Variants in TNIK observed in about 807,000 individuals in gnomAD.
The protein encoded by TNIK is TRAF2 and NCK-interacting protein kinase.
Under a neutral mutation model 191.3 loss-of-function variants are expected in TNIK, and 49 were observed. The ratio of observed to expected loss-of-function variants is 0.26; its 90% confidence interval spans 0.20 to 0.32. The LOEUF (loss-of-function observed/expected upper bound fraction) is 0.32, where lower values mean the gene tolerates loss of function less well. Among genes scored for constraint, TNIK ranks in the 10% least tolerant of loss-of-function variants. The pLI, the probability that TNIK is intolerant of heterozygous loss-of-function variation, is 1.00. For missense variants in TNIK, 1,155 were observed against 1,702.3 expected (o/e 0.68, Z 5.66); for synonymous variants, 594 against 600.9 (o/e 0.99, Z 0.17).
chr3:171,430,692 A>C (rs1725269643), intron 1 of TNIK, among the ~76,000 whole-genome samples: 1 of 151,918 alleles, frequency 6.6e-6, no homozygotes, highest in Admixed American at 6.6e-5. Flanking sequence ...TTTAATCAAG[A>C]GCTTGTTTAA....
intron 2 of TNIK, among the ~76,000 whole-genome samples, chr3:171,336,710 A>G (rs768072341): frequency 6.6e-6 from 1 of 152,186 alleles, no homozygotes; most frequent in East Asian, 1.9e-4. Flanking sequence ...GGTGCACTAG[A>G]AAGTTTTGTG....
At chr3:171,294,759 C>A (rs1294287016) in intron 2 of TNIK, among the ~76,000 whole-genome samples, 1 of 151,990 alleles carries the variant, frequency 6.6e-6, no homozygotes, top group African/African-American at 2.4e-5. Flanking sequence ...CAGTATAAGT[C>A]ATATACAGAT....
At chr3:171,285,399 C>T (rs753497681) in intron 2 of TNIK, among the ~76,000 whole-genome samples, 4 of 152,134 alleles carry the variant, frequency 2.6e-5, no homozygotes, top group Non-Finnish European at 4.4e-5. Flanking sequence ...CAAAGAAAAA[C>T]GTAGATGAGA....
intron 2 of TNIK, among the ~76,000 whole-genome samples, chr3:171,243,937 C>T (rs1262356970): frequency 1.3e-5 from 2 of 151,994 alleles, no homozygotes; most frequent in Non-Finnish European, 2.9e-5. Context: ...TGAGAAAGAA[C>T]CATCGATGTT....
At position 171,380,779 on chromosome 3, in the gene TNIK, C is replaced by G. The variant is rs73046890; in HGVS notation, c.58-11094G>C. Among the ~76,000 whole-genome samples, 857 of 152,342 alleles carry G rather than the reference C, an allele frequency of 5.6e-3. 11 individuals carry two copies. The highest frequency in any genetic ancestry group is 0.019 in the African/African-American group (810 of 41,574). ...AAGGGGCAGGGTTAATGCCTTTCGGCCAAGGGCCCAGGACTTTTCTATGAG... is the reference window on the plus strand; with the variant it reads ...AAGGGGCAGGGTTAATGCCTTTCGGGCAAGGGCCCAGGACTTTTCTATGAG... On this transcript the variant is annotated intron_variant, in intron 1 of 32. Transcript: ENST00000436636.
At chr3:171,291,192 T>A (rs1008103326) in intron 2 of TNIK, among the ~76,000 whole-genome samples, 1 of 152,198 alleles carries the variant, frequency 6.6e-6, no homozygotes, top group Non-Finnish European at 1.5e-5. Context: ...GCTATGGCTG[T>A]CATATGCATT....
chr3:171,126,220 G>A, intron 16 of TNIK, 69 bp from the exon 17 acceptor site: 2 of 1,410,374 alleles, frequency 1.4e-6, no homozygotes, highest in Non-Finnish European at 9.2e-7. Context: ...ACCTCAGTGA[G>A]CTGAAGGAAA....
intron 2 of TNIK, among the ~76,000 whole-genome samples, chr3:171,343,005 C>T (rs1036193052): frequency 5.3e-5 from 8 of 152,188 alleles, no homozygotes; most frequent in Non-Finnish European, 7.4e-5. Context: ...TTGCCTTCCA[C>T]CATAATAATG....
rs372938622 is a variant in TNIK at position 171,289,044 on chromosome 3, A to T, written c.124-60823T>A. ...TCCAATAATTTAAATTATAATGTATATGTTCTCATTCTAAGCACACTTCCG... is the reference window on the plus strand; with the variant it reads ...TCCAATAATTTAAATTATAATGTATTTGTTCTCATTCTAAGCACACTTCCG... On this transcript the variant is annotated intron_variant, in intron 2 of 32. Coordinates refer to ENST00000436636, the MANE Select transcript of TNIK (RefSeq NM_015028.4). Among the ~76,000 whole-genome samples the T allele has an allele frequency of 1.6e-3, 250 of 152,322 alleles. 7 individuals are homozygous for T. In the South Asian group the frequency reaches 0.032, roughly 19 times the overall value.
intron 1 of TNIK, among the ~76,000 whole-genome samples, chr3:171,404,973 A>C (rs1461297547): frequency 6.6e-6 from 1 of 152,202 alleles, no homozygotes; most frequent in Non-Finnish European, 1.5e-5. Context: ...TGACAGGTCA[A>C]CTATAATGGT....
intron 2 of TNIK, among the ~76,000 whole-genome samples, chr3:171,329,045 T>C (rs1411970350): frequency 6.6e-6 from 1 of 152,216 alleles, no homozygotes; most frequent in East Asian, 1.9e-4. Context: ...TCAAATTTCA[T>C]ACTATTCTTG....
intron 12 of TNIK, among the ~76,000 whole-genome samples, chr3:171,146,075 C>T (rs1044301568): frequency 1.3e-5 from 2 of 152,166 alleles, no homozygotes; most frequent in East Asian, 1.9e-4. Flanking sequence ...ATCTGATGGA[C>T]AACATGAATC....
At chr3:171,069,141 G>T in intron 29 of TNIK, 144 bp from the exon 30 acceptor site, 1 of 1,032,526 alleles carries the variant, frequency 9.7e-7, no homozygotes, top group Non-Finnish European at 1.4e-6. Context: ...TAGGTCTGTT[G>T]ATATTCTGGC....
chr3:171,307,378 A>G (rs1753567898), intron 2 of TNIK, among the ~76,000 whole-genome samples: 1 of 152,160 alleles, frequency 6.6e-6, no homozygotes, highest in Non-Finnish European at 1.5e-5. Flanking sequence ...ATGTTTAGAA[A>G]CTGCACACAC....
At chr3:171,230,141 C>A (rs930633783) in intron 2 of TNIK, among the ~76,000 whole-genome samples, 2 of 152,164 alleles carry the variant, frequency 1.3e-5, no homozygotes, top group African/African-American at 4.8e-5. Context: ...TGCTACAGAA[C>A]CAGGAACACT....
intron 27 of TNIK, among the ~76,000 whole-genome samples, chr3:171,080,968 C>T (rs1369509974): frequency 1.3e-5 from 2 of 152,180 alleles, no homozygotes; most frequent in Non-Finnish European, 2.9e-5. Context: ...TTTTCATTTT[C>T]TCCTTTCCCT....
intron 25 of TNIK, 24 bp downstream of exon 25, chr3:171,085,094 A>G: frequency 6.4e-7 from 1 of 1,562,786 alleles, no homozygotes; most frequent in Non-Finnish European, 8.7e-7. Context: ...GCTGTTTTTT[A>G]AACACAGGGC....
chr3:171,433,511 A>G (rs907050393), intron 1 of TNIK, among the ~76,000 whole-genome samples: 1 of 152,194 alleles, frequency 6.6e-6, no homozygotes, highest in Non-Finnish European at 1.5e-5. Flanking sequence ...ATAAAAATCA[A>G]AATCTACTGT....
chr3:171,312,257 G>A (rs1418865228), intron 2 of TNIK, among the ~76,000 whole-genome samples: 2 of 151,508 alleles, frequency 1.3e-5, no homozygotes, highest in Admixed American at 1.3e-4. Context: ...AGTTATCTCT[G>A]GATAGTGAGA....
Sources: gnomAD v4.1 joint callset for allele counts (sites outside exome capture counted in the v4.1 genomes callset) on GRCh38, gnomAD v4.1.1 for gene constraint, MANE v1.5 for transcripts, NCBI Gene and HGNC (gene_info 2026-07-23, HGNC 2026-07-21) for gene names.